The following STRN3 variants were observed in gnomAD, a reference collection of about 807,000 sequenced individuals.
STRN3 encodes striatin-3.
A neutral mutation model predicts 95.6 loss-of-function variants in STRN3; 29 were observed. The ratio of observed to expected loss-of-function variants is 0.30; its 90% CI spans 0.23 to 0.41. STRN3 has a LOEUF of 0.41. STRN3 is among the 10% of genes least tolerant of loss of function. The pLI is 1.00. For missense variants in STRN3, 890 were observed against 972.1 expected (o/e 0.92, Z 1.12); for synonymous variants, 331 against 357.6 (o/e 0.93, Z 0.84).
intron 1 of STRN3, chr14:30,964,202 G>T (rs1880359464): frequency 6.6e-6 from 1 of 152,178 alleles, no homozygotes; most frequent in Admixed American, 6.6e-5. Flanking sequence ...CAGTAAGCTG[G>T]CAATAGAGTG....
At chr14:30,964,963 G>C (rs1880408494) in intron 1 of STRN3, among the ~76,000 whole-genome samples, 1 of 151,984 alleles carries the variant, frequency 6.6e-6, no homozygotes, top group African/African-American at 2.4e-5. Flanking sequence ...TCTTGGTGCT[G>C]TCTTGGTCTT....
chr14:30,976,706 T>C (rs1320864275), intron 1 of STRN3, among the ~76,000 whole-genome samples: 1 of 152,224 alleles, frequency 6.6e-6, no homozygotes, highest in Non-Finnish European at 1.5e-5. Flanking sequence ...TAAAAATCAG[T>C]AACAGAAAGA....
At chr14:30,943,459 G>C (rs968058100) in intron 5 of STRN3, among the ~76,000 whole-genome samples, 1 of 152,106 alleles carries the variant, frequency 6.6e-6, no homozygotes, top group Admixed American at 6.6e-5. Context: ...AATCAGCCAG[G>C]TGTGGTGGCA....
chr14:30,999,212 A>C (rs11627379), intron 1 of STRN3, among the ~76,000 whole-genome samples: 13,727 of 151,442 alleles, frequency 0.091, 904 homozygotes, highest in South Asian at 0.29. Flanking sequence ...TGCCCGGCTA[A>C]TTTTTTTATT....
rs1250482954 is a variant in STRN3 at position 30,905,507 on chromosome 14, A to G, written c.1940T>C (p.Met647Thr). The change falls in exon 15 of 18, where the codon ATG (methionine) becomes ACG (threonine). Residue 647 changes from methionine to threonine, a missense_variant. By Grantham distance (81) the Met-to-Thr change is moderately conservative. This residue lies in a region of STRN3 where 357 missense variants were observed against 422.8 expected (regional missense o/e 0.84). Transcript: ENST00000357479. ...VDFIGCDPAHMVTSFNTGSAV... is the reference protein window; with the variant it reads ...VDFIGCDPAHTVTSFNTGSAV... ...ACTACCAGTGTTGAAAGAGGTTACC[A>G]TATGAGCTGGATCACAGCCTATAAA... 1 of 1,609,858 alleles carries G rather than the reference A, an allele frequency of 6.2e-7. No individual in the cohort carries two copies. Among genetic ancestry groups the G allele is most frequent in the Non-Finnish European group, 8.5e-7 (1 of 1,178,358 alleles).
At chr14:30,910,546 C>T (rs1342840440) in intron 13 of STRN3, among the ~76,000 whole-genome samples, 2 of 151,188 alleles carry the variant, frequency 1.3e-5, no homozygotes, top group Non-Finnish European at 2.9e-5. Context: ...CTAAAAGCTA[C>T]ATTTGCAAGT....
intron 5 of STRN3, among the ~76,000 whole-genome samples, chr14:30,939,129 G>A (rs1404523425): frequency 6.6e-6 from 1 of 152,172 alleles, no homozygotes; most frequent in Non-Finnish European, 1.5e-5. Context: ...CATTTCATTT[G>A]AATTATAGCG....
intron 9 of STRN3, among the ~76,000 whole-genome samples, chr14:30,916,963 AG>A (rs1896756212): frequency 6.6e-6 from 1 of 152,222 alleles, no homozygotes; most frequent in South Asian, 2.1e-4. Flanking sequence ...GCAACATGGT[AG>A]GTCTCAAGTC....
chr14:30,943,728 T>C (rs1337501576), intron 5 of STRN3, among the ~76,000 whole-genome samples: 4 of 152,274 alleles, frequency 2.6e-5, no homozygotes, highest in East Asian at 1.9e-4. Flanking sequence ...CTGTCATAAA[T>C]GACAACAAGA....
At chr14:30,947,604 C>G (rs2139115648) in intron 4 of STRN3, among the ~76,000 whole-genome samples, 1 of 152,148 alleles carries the variant, frequency 6.6e-6, no homozygotes, top group East Asian at 1.9e-4. Flanking sequence ...TTAATTTACA[C>G]ACACACACAC....
At chr14:31,009,473 A>AC (rs1330816735) in intron 1 of STRN3, among the ~76,000 whole-genome samples, 36 of 150,242 alleles carry the variant, frequency 2.4e-4, no homozygotes, top group African/African-American at 3.7e-4. Context: ...GAGCAAAACT[A>AC]CCCCCCCGCC....
intron 1 of STRN3, among the ~76,000 whole-genome samples, chr14:30,976,620 C>T (rs946952210): frequency 2.0e-5 from 3 of 152,164 alleles, no homozygotes; most frequent in African/African-American, 7.2e-5. Context: ...ACATTTTGGA[C>T]CATAAAACCC....
rs1434808248 is a variant in STRN3 at position 30,906,802 on chromosome 14, T to C, written c.1888+75A>G. On this transcript the variant is annotated intron_variant, in intron 14 of 17. Transcript: ENST00000357479. ...CTCTTTGGAACAGTAAAGAAATACA[T>C]CAATTACTTTGTCCTTTATATATTC... The C allele has an allele frequency of 6.5e-6, 9 of 1,375,354 alleles. No homozygotes were observed. In the South Asian group the frequency reaches 1.1e-4, roughly 16 times the overall value. The allele number at this position is 1,375,354 out of a possible 1,614,324, so 85.2% of individuals were successfully genotyped here. A position where few individuals can be genotyped will look rare whatever the true frequency, so the allele number is the denominator to read the frequency against.
rs1196247494 is a variant in STRN3, at chr14:30,931,123, A to C, written c.989-1812T>G. Among the ~76,000 whole-genome samples the C allele has an allele frequency of 2.6e-5, 4 of 152,188 alleles. No individual in the cohort carries two copies. In the East Asian group the frequency reaches 7.7e-4, roughly 29 times the overall value. On this transcript the variant is annotated intron_variant, in intron 7 of 17. Transcript: ENST00000357479. ...AAAAAAGGATAAGCTTAAGGAAAAA[A>C]ATATTACTTGCAAGATAATCTCAAA... is the stretch of plus-strand genomic sequence containing the variant.
rs111934531 is a variant in STRN3 at position 31,018,442 on chromosome 14, T to C, written c.282+7462A>G. The C allele has an allele frequency of 9.3e-4, 380 of 408,134 alleles. 2 individuals are homozygous for C. Among genetic ancestry groups the C allele is most frequent in the African/African-American group, 6.5e-3 (314 of 48,182 alleles). 25.3% of individuals were successfully genotyped at this position (408,134 alleles called of 1,614,324 possible). A position where few individuals can be genotyped will look rare whatever the true frequency, so the allele number is the denominator to read the frequency against. ...AACTTTATTCTTTCTCGACCCTTGTTCCTATGACACACCTCCTCCTGACTG... is the reference window on the plus strand; with the variant it reads ...AACTTTATTCTTTCTCGACCCTTGTCCCTATGACACACCTCCTCCTGACTG... On this transcript the variant is annotated intron_variant, in intron 1 of 17. Coordinates refer to ENST00000357479, the MANE Select transcript of STRN3 (RefSeq NM_001083893.2).
chr14:31,003,261 C>CAAAAA lies in STRN3; in HGVS notation c.282+22638_282+22642dup, dbSNP rs376981218. Among the ~76,000 whole-genome samples the CAAAAA allele has an allele frequency of 1.2e-4, 10 of 82,586 alleles. No individual in the cohort carries two copies. The South Asian group carries it at 1.8e-3, about 15-fold the overall frequency. The allele number at this position is 82,586 out of a possible 152,430, so 54.2% of individuals were successfully genotyped here. A position where few individuals can be genotyped will look rare whatever the true frequency, so the allele number is the denominator to read the frequency against. On this transcript the variant is annotated intron_variant, in intron 1 of 17. Transcript: ENST00000357479. ...TGGTGACACAGCAAGACTCTGTCTC[C>CAAAAA]AAAAAAAAAAAAAAGAAAAGAAAAA...
At chr14:31,022,234 G>T (rs1355751908) in intron 1 of STRN3, among the ~76,000 whole-genome samples, 3 of 151,982 alleles carry the variant, frequency 2.0e-5, no homozygotes, top group Non-Finnish European at 4.4e-5. Context: ...AAAAAAATTA[G>T]CTGGGCGTGG....
chr14:30,929,823 AATAC>A (rs965429890), intron 7 of STRN3, among the ~76,000 whole-genome samples: 5 of 151,856 alleles, frequency 3.3e-5, no homozygotes, highest in Non-Finnish European at 7.4e-5. Flanking sequence ...AGTCCAATAT[AATAC>A]ATATAGTTCA....
chr14:30,895,363 C>A lies in STRN3; in HGVS notation c.*48G>T. 1 of 1,542,334 alleles carries A rather than the reference C, an allele frequency of 6.5e-7. No individual in the cohort carries two copies. Among genetic ancestry groups the A allele is most frequent in the Non-Finnish European group, 8.7e-7 (1 of 1,143,984 alleles). ...CCTTTCTGATGGCAGTGATGCAGACCCTCTTTCTGTCCAAGCAAATCTTGT... is the reference window on the plus strand; with the variant it reads ...CCTTTCTGATGGCAGTGATGCAGACACTCTTTCTGTCCAAGCAAATCTTGT... On this transcript the variant is annotated 3_prime_UTR_variant, in exon 18 of 18. Coordinates refer to ENST00000357479, the MANE Select transcript of STRN3 (RefSeq NM_001083893.2).
Sources: allele counts gnomAD v4.1 joint callset (sites outside exome capture counted in the v4.1 genomes callset), GRCh38; gene constraint gnomAD v4.1.1; regional missense constraint gnomAD v4.1.1; transcripts MANE v1.5; gene names NCBI Gene and HGNC (gene_info 2026-07-23, HGNC 2026-07-21).